The following L3MBTL4 variants were observed in gnomAD, a reference collection of about 807,000 sequenced individuals.
L3MBTL4 encodes lethal(3)malignant brain tumor-like protein 4.
L3MBTL4 carries 70 observed loss-of-function variants against 84.5 expected under a neutral mutation model. The ratio of observed to expected loss-of-function variants is 0.83; its 90% CI spans 0.68 to 1.01. The LOEUF is 1.01. Ranked by LOEUF, L3MBTL4 falls within the 50% of genes least tolerant of loss-of-function variation. The probability of loss-of-function intolerance (pLI) is 0.00; values close to 1 mark genes in which losing one functional copy is unlikely to be tolerated. For missense variants in L3MBTL4, 715 were observed against 754.8 expected (o/e 0.95, Z 0.62); for synonymous variants, 274 against 259.8 (o/e 1.05, Z -0.52).
chr18:6,371,211 C>T (rs548870819), intron 1 of L3MBTL4, among the ~76,000 whole-genome samples: 3 of 152,302 alleles, frequency 2.0e-5, no homozygotes, highest in South Asian at 2.1e-4. Flanking sequence ...ACAAAACTGG[C>T]GGCGGGCCAG....
At chr18:6,237,868 ATATGTAT>A (rs2047282131) in intron 10 of L3MBTL4, 89 bp downstream of exon 10, 1 of 871,628 alleles carries the variant, frequency 1.1e-6, no homozygotes, top group Non-Finnish European at 2.0e-6. Flanking sequence ...TATTAAATAG[ATATGTAT>A]TAAAATCTGG....
At chr18:6,042,159 T>C (rs1364246566) in intron 16 of L3MBTL4, among the ~76,000 whole-genome samples, 1 of 152,104 alleles carries the variant, frequency 6.6e-6, no homozygotes, top group Non-Finnish European at 1.5e-5. Context: ...CAAAGTGAGA[T>C]ACCTCACTAA....
At chr18:6,019,717 T>C (rs2055166088) in intron 16 of L3MBTL4, among the ~76,000 whole-genome samples, 1 of 152,194 alleles carries the variant, frequency 6.6e-6, no homozygotes, top group Non-Finnish European at 1.5e-5. Context: ...TCACCCAAGA[T>C]GAAAAGCTAA....
At chr18:6,080,823 A>C in intron 16 of L3MBTL4, 58 bp downstream of exon 16, 1 of 1,251,014 alleles carries the variant, frequency 8.0e-7, no homozygotes, top group Non-Finnish European at 1.1e-6. Context: ...TCAAACAAAT[A>C]AGACATTCTG....
At chr18:6,372,875 A>G (rs1405491609) in intron 1 of L3MBTL4, among the ~76,000 whole-genome samples, 1 of 152,166 alleles carries the variant, frequency 6.6e-6, no homozygotes, top group African/African-American at 2.4e-5. Context: ...AACTTAACCC[A>G]CCATAATTAT....
intron 4 of L3MBTL4, among the ~76,000 whole-genome samples, chr18:6,286,495 T>A (rs1043758802): frequency 4.6e-5 from 7 of 150,906 alleles, no homozygotes; most frequent in African/African-American, 1.7e-4. Flanking sequence ...TAATAATAAT[T>A]TAAAAAATAA....
intron 14 of L3MBTL4, among the ~76,000 whole-genome samples, chr18:6,133,648 C>T: frequency 6.6e-6 from 1 of 152,122 alleles, no homozygotes; most frequent in East Asian, 1.9e-4. Flanking sequence ...GCGGGAAAGG[C>T]CCCCTACCCC....
chr18:6,302,610 A>G (rs2050390756), intron 3 of L3MBTL4, among the ~76,000 whole-genome samples: 1 of 152,216 alleles, frequency 6.6e-6, no homozygotes, highest in Admixed American at 6.5e-5. Context: ...AGACACAATA[A>G]CAAAGAGCAT....
chr18:6,241,601 T>G, intron 7 of L3MBTL4, 152 bp from the exon 8 acceptor site: 2 of 513,664 alleles, frequency 3.9e-6, no homozygotes, highest in Non-Finnish European at 6.9e-6. Flanking sequence ...CATATGGTTA[T>G]TATTAGTGTC....
At chr18:6,340,589 G>A (rs190432424) in intron 1 of L3MBTL4, among the ~76,000 whole-genome samples, 37 of 152,140 alleles carry the variant, frequency 2.4e-4, no homozygotes, top group Admixed American at 7.2e-4. Flanking sequence ...AAAGGGGCAG[G>A]GGCTCACTGC....
chr18:5,965,326 C>T (rs897791783), intron 17 of L3MBTL4, among the ~76,000 whole-genome samples: 2 of 152,204 alleles, frequency 1.3e-5, no homozygotes, highest in African/African-American at 2.4e-5. Flanking sequence ...ATAAGCACAG[C>T]AGAGGTCTTC....
chr18:5,973,857 C>A (rs1372001630), intron 16 of L3MBTL4, among the ~76,000 whole-genome samples: 1 of 152,196 alleles, frequency 6.6e-6, no homozygotes, highest in Non-Finnish European at 1.5e-5. Context: ...GACCTCATTG[C>A]CGTCATGACT....
intron 14 of L3MBTL4, among the ~76,000 whole-genome samples, chr18:6,107,008 T>A (rs928597787): frequency 6.6e-6 from 1 of 152,202 alleles, no homozygotes. Context: ...TTTATTATAA[T>A]TATGTATATG....
chr18:6,298,659 G>T (rs1356424299), intron 4 of L3MBTL4, among the ~76,000 whole-genome samples: 1 of 152,146 alleles, frequency 6.6e-6, no homozygotes, highest in Non-Finnish European at 1.5e-5. Context: ...GATCACCTGA[G>T]GTCAGGAGTT....
chr18:6,226,148 T>A lies in L3MBTL4; in HGVS notation c.785-10313A>T, dbSNP rs1420302311. On this transcript the variant is annotated intron_variant, in intron 10 of 18. Coordinates refer to ENST00000317931, the MANE Select transcript of L3MBTL4 (RefSeq NM_001330559.2). ...GTCCGCCAGATGTGGTGGCCCATGC[T>A]GTAATCCCAACACTTTCGGAGGCAG... Among the ~76,000 whole-genome samples the A allele has an allele frequency of 2.6e-5, 4 of 152,016 alleles. No individual in the cohort carries two copies. In the South Asian group the frequency reaches 8.3e-4, roughly 32 times the overall value.
intron 16 of L3MBTL4, among the ~76,000 whole-genome samples, chr18:5,993,626 C>A (rs1363385675): frequency 6.6e-6 from 1 of 151,798 alleles, no homozygotes; most frequent in African/African-American, 2.4e-5. Context: ...TTGTTGCTCA[C>A]CAAAGAAAAT....
At chr18:6,056,743 G>A (rs2057039793) in intron 16 of L3MBTL4, among the ~76,000 whole-genome samples, 1 of 152,086 alleles carries the variant, frequency 6.6e-6, no homozygotes, top group African/African-American at 2.4e-5. Context: ...TGAAATGGTA[G>A]GCCATGGGGG....
At chr18:6,108,956 C>T (rs538872958) in intron 14 of L3MBTL4, among the ~76,000 whole-genome samples, 1 of 152,248 alleles carries the variant, frequency 6.6e-6, no homozygotes, top group South Asian at 2.1e-4. Context: ...ATATAAGGGA[C>T]TGAGCATCTT....
intron 16 of L3MBTL4, among the ~76,000 whole-genome samples, chr18:6,045,704 T>A (rs766384939): frequency 2.0e-5 from 3 of 152,082 alleles, no homozygotes; most frequent in Non-Finnish European, 4.4e-5. Context: ...CAAGATGAGA[T>A]TTGGGTAAGG....
Sources: gnomAD v4.1 joint callset for allele counts (sites outside exome capture counted in the v4.1 genomes callset) on GRCh38, gnomAD v4.1.1 for gene constraint, MANE v1.5 for transcripts, NCBI Gene and HGNC (gene_info 2026-07-23, HGNC 2026-07-21) for gene names.